The following CELF4 variants were observed in gnomAD, a reference collection of about 807,000 sequenced individuals.
CELF4 encodes CUGBP Elav-like family member 4.
Under a neutral mutation model 59.9 loss-of-function variants are expected in CELF4, and 18 were observed. The observed-to-expected ratio is 0.30, with a 90% CI of 0.21 to 0.45. The LOEUF (loss-of-function observed/expected upper bound fraction) is 0.45. Among genes scored for constraint, CELF4 ranks in the 20% least tolerant of loss-of-function variants. The pLI, the probability that CELF4 is intolerant of heterozygous loss-of-function variation, is 1.00. For missense variants in CELF4, 456 were observed against 689.0 expected (o/e 0.66, Z 3.79); for synonymous variants, 261 against 267.1 (o/e 0.98, Z 0.22).
At position 37,479,787 on chromosome 18, in the gene CELF4, C is replaced by T. The variant is rs147472106; in HGVS notation, c.369+5738G>A. ...AGATGCTGAAGTCCTAACCCCAGGA[C>T]CCATGAAAGTGACCTTCTTTGAAAT... is the stretch of plus-strand genomic sequence containing the variant. On this transcript the variant is annotated intron_variant, in intron 2 of 12. Coordinates refer to ENST00000420428, the MANE Select transcript of CELF4 (RefSeq NM_020180.4). 5.3e-5 allele frequency among the ~76,000 whole-genome samples: 8 copies of T among 152,260 alleles called. No homozygotes were observed. In the East Asian group the frequency reaches 1.5e-3, roughly 29 times the overall value.
At chr18:37,554,989 AG>A (rs1160305420) in intron 1 of CELF4, among the ~76,000 whole-genome samples, 2 of 152,196 alleles carry the variant, frequency 1.3e-5, no homozygotes, top group African/African-American at 4.8e-5. Flanking sequence ...CAATGCTGAC[AG>A]GGCAGCACCC....
intron 2 of CELF4, among the ~76,000 whole-genome samples, chr18:37,360,914 G>T (rs2098693513): frequency 6.6e-6 from 1 of 152,180 alleles, no homozygotes; most frequent in Admixed American, 6.5e-5. Flanking sequence ...TTACATATGA[G>T]CCTGTTATCT....
At chr18:37,328,552 T>G (rs1287203747) in intron 2 of CELF4, among the ~76,000 whole-genome samples, 5 of 152,180 alleles carry the variant, frequency 3.3e-5, no homozygotes, top group African/African-American at 4.8e-5. Flanking sequence ...CAGATTCATA[T>G]CTTCCCCAAA....
chr18:37,325,489 T>C (rs685680), intron 2 of CELF4, among the ~76,000 whole-genome samples: 67,304 of 152,156 alleles, frequency 0.44, 14,970 homozygotes, highest in South Asian at 0.61. Flanking sequence ...CCACCCCAGT[T>C]GCAGGCAGCC....
chr18:37,435,145 C>T (rs1042129159), intron 2 of CELF4, among the ~76,000 whole-genome samples: 17 of 152,156 alleles, frequency 1.1e-4, no homozygotes, highest in Non-Finnish European at 8.8e-5. Flanking sequence ...CATCCCACTT[C>T]CTAGGACTCA....
rs1017682555 is a variant in CELF4, at chr18:37,344,776, C to G, written c.370-22895G>C. Among the ~76,000 whole-genome samples, 8 of 152,356 alleles carry G rather than the reference C, an allele frequency of 5.3e-5. No individual in the cohort carries two copies. The East Asian group carries it at 1.5e-3, about 29-fold the overall frequency. ...CCTGAAGACAGAAGCTGTCACCATTCCTGTTTGACAGATGACGGGAACGGC... is the reference window on the plus strand; with the variant it reads ...CCTGAAGACAGAAGCTGTCACCATTGCTGTTTGACAGATGACGGGAACGGC... On this transcript the variant is annotated intron_variant, in intron 2 of 12. Coordinates refer to ENST00000420428, the MANE Select transcript of CELF4 (RefSeq NM_020180.4).
intron 2 of CELF4, among the ~76,000 whole-genome samples, chr18:37,397,216 A>G (rs2099256062): frequency 6.6e-6 from 1 of 152,146 alleles, no homozygotes; most frequent in Non-Finnish European, 1.5e-5. Flanking sequence ...CGACTCCCTG[A>G]ACTCCTTGCG....
chr18:37,400,611 CTCT>C (rs1316183359), intron 2 of CELF4, among the ~76,000 whole-genome samples: 4 of 152,334 alleles, frequency 2.6e-5, no homozygotes, highest in East Asian at 1.9e-4. Context: ...AAAATACATT[CTCT>C]TCTTCTTCAT....
intron 2 of CELF4, among the ~76,000 whole-genome samples, chr18:37,379,783 C>T (rs2099015239): frequency 6.6e-6 from 1 of 152,144 alleles, no homozygotes; most frequent in South Asian, 2.1e-4. Context: ...CCTGAGAGTG[C>T]TTGAGAGATC....
At chr18:37,283,600 G>C (rs113831884) in intron 3 of CELF4, among the ~76,000 whole-genome samples, 1 of 152,094 alleles carries the variant, frequency 6.6e-6, no homozygotes, top group Non-Finnish European at 1.5e-5. Context: ...TGGGGGTGGG[G>C]CTGCTATAAA....
chr18:37,329,128 G>A (rs994257163), intron 2 of CELF4, among the ~76,000 whole-genome samples: 3 of 152,186 alleles, frequency 2.0e-5, no homozygotes, highest in African/African-American at 7.2e-5. Context: ...CTCCTATGCA[G>A]AGTCATCAAA....
chr18:37,320,000 A>G (rs2154519279), intron 3 of CELF4, among the ~76,000 whole-genome samples: 1 of 152,264 alleles, frequency 6.6e-6, no homozygotes, highest in East Asian at 1.9e-4. Context: ...GGCTGGGGCC[A>G]CCTTGGAGGC....
chr18:37,473,224 C>T (rs56151557), intron 2 of CELF4: 29,005 of 152,170 alleles, frequency 0.19, 2,877 homozygotes, highest in Middle Eastern at 0.26. Context: ...CCTCACCCCA[C>T]ACCCCTTTAC....
intron 2 of CELF4, among the ~76,000 whole-genome samples, chr18:37,421,750 T>TG (rs1442301989): frequency 6.6e-6 from 1 of 152,216 alleles, no homozygotes; most frequent in African/African-American, 2.4e-5. Context: ...AGAGTGGGCT[T>TG]GTGGAGCAAA....
At chr18:37,524,036 A>T (rs2099960626) in intron 1 of CELF4, among the ~76,000 whole-genome samples, 1 of 152,328 alleles carries the variant, frequency 6.6e-6, no homozygotes, top group East Asian at 1.9e-4. Context: ...TATCCCAGAG[A>T]GACACTGTGC....
chr18:37,477,294 C>T (rs899482624), intron 2 of CELF4, among the ~76,000 whole-genome samples: 34 of 152,278 alleles, frequency 2.2e-4, no homozygotes, highest in Admixed American at 2.2e-3. Flanking sequence ...GCTCCCCGAG[C>T]GGGGCAGAGA....
chr18:37,315,029 T>C (rs903517919), intron 3 of CELF4, among the ~76,000 whole-genome samples: 2 of 150,552 alleles, frequency 1.3e-5, no homozygotes, highest in African/African-American at 4.9e-5. Flanking sequence ...GGTGGCCACC[T>C]GTGTGTGTCT....
intron 2 of CELF4, among the ~76,000 whole-genome samples, chr18:37,352,234 A>C (rs907583922): frequency 6.6e-5 from 10 of 152,338 alleles, no homozygotes; most frequent in African/African-American, 2.2e-4. Context: ...GGAGAACATC[A>C]GTGCAAGCCA....
intron 1 of CELF4, among the ~76,000 whole-genome samples, chr18:37,505,326 T>C (rs1311124247): frequency 6.6e-6 from 1 of 152,224 alleles, no homozygotes; most frequent in East Asian, 1.9e-4. Context: ...TTTTCTATTT[T>C]CTAGTTTTGC....
Sources: allele counts gnomAD v4.1 joint callset (sites outside exome capture counted in the v4.1 genomes callset), GRCh38; gene constraint gnomAD v4.1.1; transcripts MANE v1.5; gene names NCBI Gene and HGNC (gene_info 2026-07-23, HGNC 2026-07-21).